DAB1: variants seen among roughly 807,000 people sequenced by gnomAD.
The protein encoded by DAB1 is disabled homolog 1.
A neutral mutation model predicts 64.6 loss-of-function variants in DAB1; 15 were observed. The ratio of observed to expected loss-of-function variants is 0.23; its 90% CI spans 0.16 to 0.36. The LOEUF (loss-of-function observed/expected upper bound fraction) is 0.36, where lower values mean the gene tolerates loss of function less well. Ranked by LOEUF, DAB1 falls within the 10% of genes least tolerant of loss-of-function variation. DAB1 has a pLI of 1.00. For synonymous variants in DAB1, 235 were observed against 251.9 expected (o/e 0.93, Z 0.64); for missense variants, 596 against 706.7 (o/e 0.84, Z 1.78).
chr1:58,078,201 T>C (rs1461443106), intron 5 of DAB1: 1 of 152,248 alleles, frequency 6.6e-6, no homozygotes, highest in Non-Finnish European at 1.5e-5. Context: ...TAGAAAGTCT[T>C]CCACCACTTT....
intron 5 of DAB1, among the ~76,000 whole-genome samples, chr1:58,064,460 G>A (rs1648710147): frequency 6.6e-6 from 1 of 152,106 alleles, no homozygotes; most frequent in Non-Finnish European, 1.5e-5. Flanking sequence ...CTGTGTGGCT[G>A]GCCTTGGGTT....
Position 57,500,204 on chromosome 1 carries a change from T to G in DAB1, n.625+149388A>C, listed in dbSNP as rs1644275080. On this transcript the variant is annotated intron_variant and non_coding_transcript_variant, in intron 7 of 20. Coordinates refer to the DAB1 transcript ENST00000485760. ...GCTAAAGAGATGCTATATCTCCCCC[T>G]TTCAGAGAAATGAGAAAAAAAGAGG... Among the ~76,000 whole-genome samples the G allele has an allele frequency of 2.6e-5, 4 of 152,334 alleles. No homozygotes were observed. In the South Asian group the frequency reaches 8.3e-4, roughly 32 times the overall value.
At chr1:57,339,144 T>A (rs1398651993) in intron 1 of DAB1, among the ~76,000 whole-genome samples, 1 of 151,860 alleles carries the variant, frequency 6.6e-6, no homozygotes, top group African/African-American at 2.4e-5. Context: ...TTTCTTTTTT[T>A]TTTTTAATTA....
intron 4 of DAB1, among the ~76,000 whole-genome samples, chr1:58,277,825 C>T (rs1661485894): frequency 1.3e-5 from 2 of 152,154 alleles, no homozygotes; most frequent in Admixed American, 1.3e-4. Context: ...GTCCTGTGAG[C>T]CGCCAGAGCA....
intron 4 of DAB1, among the ~76,000 whole-genome samples, chr1:58,334,702 G>C (rs1456407905): frequency 6.8e-6 from 1 of 148,098 alleles, no homozygotes; most frequent in Non-Finnish European, 1.5e-5. Flanking sequence ...ACCTCCTGTG[G>C]CTTGGATTTA....
chr1:58,260,697 CTG>C (rs1661029004), intron 4 of DAB1, among the ~76,000 whole-genome samples: 1 of 152,196 alleles, frequency 6.6e-6, no homozygotes, highest in Non-Finnish European at 1.5e-5. Context: ...TAGGTGCACA[CTG>C]TTTTTCTAAT....
At chr1:58,406,461 C>T (rs909895927) in intron 3 of DAB1, among the ~76,000 whole-genome samples, 1 of 152,244 alleles carries the variant, frequency 6.6e-6, no homozygotes, top group Non-Finnish European at 1.5e-5. Flanking sequence ...CATGATCCAG[C>T]CCTGGGCGTT....
chr1:57,511,982 G>C (rs1250983334), intron 7 of DAB1, among the ~76,000 whole-genome samples: 1 of 152,104 alleles, frequency 6.6e-6, no homozygotes, highest in African/African-American at 2.4e-5. Flanking sequence ...GCCAGATACA[G>C]TGTCAAGTGT....
At chr1:57,147,263 C>T (rs997794604) in intron 2 of DAB1, among the ~76,000 whole-genome samples, 1 of 151,890 alleles carries the variant, frequency 6.6e-6, no homozygotes, top group Non-Finnish European at 1.5e-5. Flanking sequence ...ACCAATCCAC[C>T]ACCTTGGCCT....
chr1:58,210,647 T>C (rs1658507673), intron 4 of DAB1, among the ~76,000 whole-genome samples: 1 of 152,354 alleles, frequency 6.6e-6, no homozygotes, highest in East Asian at 1.9e-4. Context: ...AGCTGTGTTA[T>C]TATAGAGAAT....
intron 5 of DAB1, among the ~76,000 whole-genome samples, chr1:58,117,523 C>T (rs1394007040): frequency 6.6e-6 from 1 of 152,190 alleles, no homozygotes; most frequent in Non-Finnish European, 1.5e-5. Context: ...CCTGGCACTT[C>T]CATCAGGGAC....
intron 7 of DAB1, among the ~76,000 whole-genome samples, chr1:57,436,855 G>C (rs1045709299): frequency 6.6e-6 from 1 of 151,916 alleles, no homozygotes; most frequent in African/African-American, 2.4e-5. Flanking sequence ...GGTGAACCCC[G>C]TCTCTACTAA....
rs200396498 is a variant in DAB1, at chr1:57,706,087, C to T, written n.552-56422G>A. 1.3e-4 allele frequency among the ~76,000 whole-genome samples: 19 copies of T among 151,968 alleles called. No individual in the cohort carries two copies. In the East Asian group the frequency reaches 3.5e-3, roughly 28 times the overall value. Reference sequence around the variant, plus strand: ...TAGTTACAGATTCACAAAAAGGTTACAAAAATAGTACAGAAGGGTCACATG... The same window carrying T: ...TAGTTACAGATTCACAAAAAGGTTATAAAAATAGTACAGAAGGGTCACATG... On this transcript the variant is annotated intron_variant and non_coding_transcript_variant, in intron 6 of 20. Transcript: ENST00000485760.
At chr1:57,720,708 G>A (rs562646142) in intron 6 of DAB1, among the ~76,000 whole-genome samples, 1 of 152,140 alleles carries the variant, frequency 6.6e-6, no homozygotes, top group Non-Finnish European at 1.5e-5. Context: ...ATAAATAGGA[G>A]GTTTATTTAT....
intron 4 of DAB1, among the ~76,000 whole-genome samples, chr1:58,202,625 AGTTAATGGAC>A (rs1658062397): frequency 6.6e-6 from 1 of 152,250 alleles, no homozygotes; most frequent in Non-Finnish European, 1.5e-5. Flanking sequence ...GAATCACATG[AGTTAATGGAC>A]GTGAATGTGT....
At chr1:58,413,498 T>C (rs1374389913) in intron 3 of DAB1, among the ~76,000 whole-genome samples, 1 of 152,128 alleles carries the variant, frequency 6.6e-6, no homozygotes, top group African/African-American at 2.4e-5. Context: ...CATGCTCTTA[T>C]CCATCAAACT....
At chr1:57,678,024 G>A (rs3131754) in intron 6 of DAB1, among the ~76,000 whole-genome samples, 32,942 of 151,960 alleles carry the variant, frequency 0.22, 4,075 homozygotes, top group African/African-American at 0.33. Context: ...TAGAGGCTTG[G>A]TTCAATTGGT....
chr1:58,095,770 T>C (rs1439683173), intron 5 of DAB1, among the ~76,000 whole-genome samples: 3 of 152,194 alleles, frequency 2.0e-5, no homozygotes, highest in Non-Finnish European at 4.4e-5. Context: ...AAGTTGAGCC[T>C]GAAGGTACCA....
At chr1:58,125,825 G>A (rs1653034884) in intron 5 of DAB1, among the ~76,000 whole-genome samples, 1 of 152,078 alleles carries the variant, frequency 6.6e-6, no homozygotes, top group African/African-American at 2.4e-5. Flanking sequence ...CTCATTTTAT[G>A]GATAGGAATA....
Sources: allele counts gnomAD v4.1 joint callset (sites outside exome capture counted in the v4.1 genomes callset), GRCh38; gene constraint gnomAD v4.1.1; transcripts MANE v1.5; gene names NCBI Gene and HGNC (gene_info 2026-07-23, HGNC 2026-07-21).